Variants in SAMMSON observed in about 807,000 individuals in gnomAD.
SAMMSON encodes survival associated mitochondrial melanoma specific oncogenic non-coding RNA.
rs78966825 is a variant in SAMMSON at position 70,315,162 on chromosome 3, T to C, written n.739+23919T>C. Among the ~76,000 whole-genome samples, 3 of 152,310 alleles carry C rather than the reference T, an allele frequency of 2.0e-5. No individual in the cohort carries two copies. In the East Asian group the frequency reaches 5.8e-4, roughly 29 times the overall value. On this transcript the variant is annotated intron_variant and non_coding_transcript_variant, in intron 7 of 9. Transcript: ENST00000642114. ...GGAAAGATTTATGAAGATAGTGTGG[T>C]GACTAATTTGGACATAATATTCAAT...
intron 7 of SAMMSON, among the ~76,000 whole-genome samples, chr3:70,313,325 T>A (rs982660861): frequency 3.5e-4 from 53 of 151,852 alleles, no homozygotes; most frequent in Non-Finnish European, 6.2e-4. Flanking sequence ...ATTTTTTTTT[T>A]AAAAGTTAGC....
At chr3:70,020,635 C>T (rs1375555161) in intron 3 of SAMMSON, among the ~76,000 whole-genome samples, 4 of 152,102 alleles carry the variant, frequency 2.6e-5, no homozygotes, top group South Asian at 2.1e-4. Flanking sequence ...CATTTCTCTT[C>T]GCCTTCTAAT....
intron 4 of SAMMSON, among the ~76,000 whole-genome samples, chr3:70,244,328 C>T (rs1447431102): frequency 6.6e-6 from 1 of 152,150 alleles, no homozygotes; most frequent in East Asian, 1.9e-4. Context: ...TCATGTTTAA[C>T]ATTTTCTCAA....
chr3:70,018,543 A>G (rs990612321), intron 3 of SAMMSON, among the ~76,000 whole-genome samples: 4 of 152,008 alleles, frequency 2.6e-5, no homozygotes, highest in Non-Finnish European at 5.9e-5. Flanking sequence ...TCCTGGATTC[A>G]TTGATTTTTT....
At chr3:70,193,815 T>C (rs1239595331) in intron 4 of SAMMSON, among the ~76,000 whole-genome samples, 1 of 152,210 alleles carries the variant, frequency 6.6e-6, no homozygotes, top group Non-Finnish European at 1.5e-5. Flanking sequence ...CTTAGAGGCA[T>C]TGGGTAATTA....
chr3:70,128,335 C>T (rs1304832545), intron 4 of SAMMSON, among the ~76,000 whole-genome samples: 1 of 152,076 alleles, frequency 6.6e-6, no homozygotes, highest in Admixed American at 6.6e-5. Flanking sequence ...CTTGACGGTC[C>T]CTGAATGTTC....
chr3:70,424,657 A>G (rs1201912226), intron 2 of SAMMSON: 2 of 152,222 alleles, frequency 1.3e-5, no homozygotes, highest in South Asian at 4.1e-4. Flanking sequence ...TTAAGAATAT[A>G]AAAAATTCTA....
chr3:70,049,965 A>T (rs983405453), intron 3 of SAMMSON, among the ~76,000 whole-genome samples: 1 of 152,088 alleles, frequency 6.6e-6, no homozygotes, highest in Non-Finnish European at 1.5e-5. Flanking sequence ...TTTAAATATG[A>T]GTCACCTTCC....
chr3:70,086,355 C>T (rs893191433), intron 4 of SAMMSON, among the ~76,000 whole-genome samples: 3 of 152,066 alleles, frequency 2.0e-5, no homozygotes, highest in Admixed American at 6.6e-5. Flanking sequence ...TTAACCAAGA[C>T]GAATTTGGGT....
At chr3:70,191,250 C>T (rs1701129926) in intron 4 of SAMMSON, among the ~76,000 whole-genome samples, 1 of 152,086 alleles carries the variant, frequency 6.6e-6, no homozygotes, top group African/African-American at 2.4e-5. Flanking sequence ...ATTTGAGGAA[C>T]AATAAACCAT....
intron 6 of SAMMSON, among the ~76,000 whole-genome samples, chr3:70,276,752 C>A (rs1021869298): frequency 1.3e-5 from 2 of 152,184 alleles, no homozygotes; most frequent in Admixed American, 6.5e-5. Flanking sequence ...TGTGTTTTCA[C>A]ACTATAATGG....
intron 3 of SAMMSON, among the ~76,000 whole-genome samples, chr3:70,061,458 A>G (rs1053834870): frequency 6.6e-6 from 1 of 152,148 alleles, no homozygotes; most frequent in Non-Finnish European, 1.5e-5. Context: ...GAGACTGCAT[A>G]TAAAAACCCA....
At chr3:70,047,271 AT>A (rs987017146) in intron 3 of SAMMSON, among the ~76,000 whole-genome samples, 3 of 152,082 alleles carry the variant, frequency 2.0e-5, no homozygotes, top group Non-Finnish European at 4.4e-5. Context: ...GAACAAAAAA[AT>A]ATAGTAGATG....
At chr3:70,012,754 C>A (rs1576095359) in intron 2 of SAMMSON, among the ~76,000 whole-genome samples, 1 of 152,136 alleles carries the variant, frequency 6.6e-6, no homozygotes, top group East Asian at 1.9e-4. Context: ...TTGGGCCAGA[C>A]TGTAGAAGGT....
intron 6 of SAMMSON, among the ~76,000 whole-genome samples, chr3:70,284,411 CA>C (rs1278354299): frequency 2.6e-5 from 4 of 151,862 alleles, no homozygotes; most frequent in Non-Finnish European, 5.9e-5. Flanking sequence ...AAAACAAAAG[CA>C]AAAACAAAAA....
intron 4 of SAMMSON, among the ~76,000 whole-genome samples, chr3:70,207,882 G>A (rs868147191): frequency 3.9e-5 from 6 of 152,100 alleles, no homozygotes; most frequent in African/African-American, 9.6e-5. Context: ...AGGGACAACT[G>A]TATGCATTCT....
intron 7 of SAMMSON, among the ~76,000 whole-genome samples, chr3:70,325,949 A>G (rs1349015526): frequency 6.6e-6 from 1 of 152,122 alleles, no homozygotes; most frequent in Admixed American, 6.6e-5. Context: ...CGTATTTACA[A>G]TCCAGTTGAT....
At chr3:70,355,387 G>C (rs1429332447) in intron 8 of SAMMSON, among the ~76,000 whole-genome samples, 1 of 151,312 alleles carries the variant, frequency 6.6e-6, no homozygotes, top group Admixed American at 6.6e-5. Context: ...GATAAAGTAG[G>C]CATAAGAAAA....
At chr3:70,414,413 T>C (rs900950576) in intron 2 of SAMMSON, among the ~76,000 whole-genome samples, 1 of 152,138 alleles carries the variant, frequency 6.6e-6, no homozygotes, top group South Asian at 2.1e-4. Flanking sequence ...ATGTATGTTT[T>C]CATAAATAAC....
Sources: allele counts gnomAD v4.1 joint callset (sites outside exome capture counted in the v4.1 genomes callset), GRCh38; gene constraint gnomAD v4.1.1; transcripts MANE v1.5; gene names NCBI Gene and HGNC (gene_info 2026-07-23, HGNC 2026-07-21).